Variants in FTO observed in about 807,000 individuals in gnomAD.
FTO encodes the protein alpha-ketoglutarate-dependent dioxygenase FTO.
FTO carries 47 observed loss-of-function variants against 63.9 expected under a neutral mutation model. That is an observed-to-expected ratio of 0.74 (90% CI 0.58 to 0.94). FTO has a LOEUF of 0.94. Among genes scored for constraint, FTO ranks in the 40% least tolerant of loss-of-function variants. FTO has a pLI of 0.00. For synonymous variants in FTO, 207 were observed against 224.4 expected (o/e 0.92, Z 0.69); for missense variants, 562 against 618.1 (o/e 0.91, Z 0.96).
At chr16:54,088,536 T>C (rs1484067745) in intron 8 of FTO, among the ~76,000 whole-genome samples, 5 of 152,208 alleles carry the variant, frequency 3.3e-5, no homozygotes, top group African/African-American at 1.2e-4. Flanking sequence ...TTTAATGTTT[T>C]CTACCAAGCC....
chr16:53,946,987 C>G (rs1019589005), intron 8 of FTO, among the ~76,000 whole-genome samples: 4 of 152,256 alleles, frequency 2.6e-5, no homozygotes, highest in Non-Finnish European at 5.9e-5. Context: ...AAGACTGTTA[C>G]AGTTAATTTT....
At chr16:53,714,302 A>G (rs899695294) in intron 1 of FTO, among the ~76,000 whole-genome samples, 5 of 152,196 alleles carry the variant, frequency 3.3e-5, no homozygotes, top group East Asian at 3.8e-4. Flanking sequence ...CTGAGCCTCA[A>G]GGGCCAGCAT....
chr16:54,118,701 G>A lies in FTO; in HGVS notation c.*6786G>A, dbSNP rs372206956. 2.0e-5 allele frequency: 3 copies of A among 152,124 alleles called. No individual in the cohort carries two copies. The highest frequency in any genetic ancestry group is 7.2e-5 in the African/African-American group (3 of 41,402). The allele number at this position is 152,124 out of a possible 1,614,324, so 9.4% of individuals were successfully genotyped here. A position where few individuals can be genotyped will look rare whatever the true frequency, so the allele number is the denominator to read the frequency against. On this transcript the variant is annotated 3_prime_UTR_variant, in exon 9 of 9. Transcript: ENST00000471389. Reference sequence around the variant, plus strand: ...TAAAGATTAAACAAAGACCACAGGTGATCACTGTCTTCGTGGTGCCAGTTT... The same window carrying A: ...TAAAGATTAAACAAAGACCACAGGTAATCACTGTCTTCGTGGTGCCAGTTT...
chr16:54,002,330 C>T (rs1294031713), intron 8 of FTO, among the ~76,000 whole-genome samples: 2 of 152,160 alleles, frequency 1.3e-5, no homozygotes, highest in Non-Finnish European at 1.5e-5. Context: ...ACAATACACA[C>T]TTGACTGTCA....
chr16:54,110,557 CG>C (rs1288573931), intron 8 of FTO, among the ~76,000 whole-genome samples: 4 of 152,102 alleles, frequency 2.6e-5, no homozygotes, highest in Non-Finnish European at 5.9e-5. Context: ...ATGTTTTCCC[CG>C]GGGGGATCCC....
At chr16:53,910,146 G>A (rs1462177037) in intron 7 of FTO, among the ~76,000 whole-genome samples, 1 of 152,120 alleles carries the variant, frequency 6.6e-6, no homozygotes, top group Non-Finnish European at 1.5e-5. Flanking sequence ...GGCACAAGAG[G>A]GATGGCTCTG....
chr16:53,827,565 A>G (rs1272146479), intron 3 of FTO, among the ~76,000 whole-genome samples: 1 of 152,226 alleles, frequency 6.6e-6, no homozygotes, highest in Non-Finnish European at 1.5e-5. Flanking sequence ...GATTTAAGAA[A>G]AAAAAGATCT....
chr16:53,781,885 T>G (rs925374601), intron 1 of FTO, among the ~76,000 whole-genome samples: 11 of 152,208 alleles, frequency 7.2e-5, no homozygotes, highest in African/African-American at 2.7e-4. Context: ...GGTTCAGATT[T>G]CTGCTGTGCT....
intron 3 of FTO, among the ~76,000 whole-genome samples, chr16:53,836,833 C>G (rs937926614): frequency 1.8e-4 from 28 of 152,178 alleles, no homozygotes; most frequent in African/African-American, 6.8e-4. Flanking sequence ...TGGCCACTCT[C>G]TCTTTCTTTT....
intron 1 of FTO, among the ~76,000 whole-genome samples, chr16:53,718,356 A>G (rs544200088): frequency 6.6e-6 from 1 of 152,154 alleles, no homozygotes; most frequent in East Asian, 1.9e-4. Context: ...TGTGTTTGCT[A>G]TTTTTGTATT....
At chr16:53,950,176 A>AAAAC (rs2082754644) in intron 8 of FTO, among the ~76,000 whole-genome samples, 1 of 147,634 alleles carries the variant, frequency 6.8e-6, no homozygotes, top group Non-Finnish European at 1.5e-5. Flanking sequence ...AAAAAAAAAA[A>AAAAC]AAACTTAATC....
At chr16:54,105,343 A>C (rs558505671) in intron 8 of FTO, among the ~76,000 whole-genome samples, 1 of 152,354 alleles carries the variant, frequency 6.6e-6, no homozygotes, top group Non-Finnish European at 1.5e-5. Flanking sequence ...AATGATTTGG[A>C]ATGTCCTGCA....
intron 1 of FTO, among the ~76,000 whole-genome samples, chr16:53,739,512 C>T (rs896033799): frequency 1.3e-5 from 2 of 152,110 alleles, no homozygotes; most frequent in East Asian, 1.9e-4. Context: ...CTGTGCCTGG[C>T]CTACTATTAC....
At position 53,716,985 on chromosome 16, in the gene FTO, AT is replaced by A. The variant is rs1343095122; in HGVS notation, c.45+12762del. 2.6e-5 allele frequency among the ~76,000 whole-genome samples: 4 copies of A among 151,404 alleles called. No homozygotes were observed. The East Asian group carries it at 7.7e-4, about 29-fold the overall frequency. On this transcript the variant is annotated intron_variant, in intron 1 of 8. Transcript: ENST00000471389. ...CAAAAATTAGAAAGATAACTTGCAT[AT>A]TTTTTACTCTGCTTTTTTTTACCAT...
intron 1 of FTO, among the ~76,000 whole-genome samples, chr16:53,766,924 A>G (rs1021602005): frequency 2.0e-5 from 3 of 152,158 alleles, no homozygotes; most frequent in African/African-American, 4.8e-5. Context: ...GACACACACC[A>G]TGAGCCAGAT....
At chr16:54,015,059 C>G (rs2084408503) in intron 8 of FTO, among the ~76,000 whole-genome samples, 1 of 151,514 alleles carries the variant, frequency 6.6e-6, no homozygotes, top group Non-Finnish European at 1.5e-5. Flanking sequence ...CATGGTCTCA[C>G]TCTAGGTCTT....
At chr16:53,714,430 C>T (rs979626183) in intron 1 of FTO, among the ~76,000 whole-genome samples, 2 of 152,104 alleles carry the variant, frequency 1.3e-5, no homozygotes, top group Non-Finnish European at 2.9e-5. Context: ...TATGTACAGC[C>T]GTCCATTATC....
At chr16:53,990,010 T>C (rs554709350) in intron 8 of FTO, among the ~76,000 whole-genome samples, 31 of 152,214 alleles carry the variant, frequency 2.0e-4, no homozygotes, top group African/African-American at 7.2e-4. Context: ...GTATAGAATG[T>C]GTGTGTACAT....
At chr16:54,033,429 T>C (rs777868243) in intron 8 of FTO, among the ~76,000 whole-genome samples, 12 of 152,318 alleles carry the variant, frequency 7.9e-5, no homozygotes, top group Non-Finnish European at 1.8e-4. Context: ...ACACTGTACC[T>C]TTTGTCAAAC....
Sources: gnomAD v4.1 joint callset for allele counts (sites outside exome capture counted in the v4.1 genomes callset) on GRCh38, gnomAD v4.1.1 for gene constraint, MANE v1.5 for transcripts, NCBI Gene and HGNC (gene_info 2026-07-23, HGNC 2026-07-21) for gene names.